Variants in CNBD1 observed in about 807,000 individuals in gnomAD.
The protein encoded by CNBD1 is cyclic nucleotide binding domain containing 1, also known as cyclic nucleotide-binding domain-containing protein 1.
CNBD1 carries 71 observed loss-of-function variants against 54.4 expected under a neutral mutation model. That is an observed-to-expected ratio of 1.30 (90% CI 1.08 to 1.59). The LOEUF is 1.59. Ranked by LOEUF, CNBD1 falls within the 40% of genes most tolerant of loss-of-function variation. The pLI is 0.00. For synonymous variants in CNBD1, 182 were observed against 170.7 expected (o/e 1.07, Z -0.51); for missense variants, 659 against 518.0 (o/e 1.27, Z -2.64).
intron 4 of CNBD1, among the ~76,000 whole-genome samples, chr8:87,132,331 G>A (rs576763261): frequency 6.6e-5 from 10 of 151,696 alleles, no homozygotes; most frequent in African/African-American, 2.4e-4. Flanking sequence ...TACTAATTGT[G>A]ATAATACCTA....
intron 4 of CNBD1, among the ~76,000 whole-genome samples, chr8:86,955,072 G>T (rs938348327): frequency 2.7e-5 from 4 of 149,464 alleles, no homozygotes; most frequent in African/African-American, 9.9e-5. Context: ...CGATGAGTGA[G>T]AACATGCGGT....
intron 6 of CNBD1, among the ~76,000 whole-genome samples, chr8:87,246,935 C>T (rs866620575): frequency 6.6e-6 from 1 of 152,004 alleles, no homozygotes; most frequent in African/African-American, 2.4e-5. Context: ...AGCTTGTTTT[C>T]CTGGAACTAG....
chr8:87,401,700 T>G (rs1223622532), intron 2 of CNBD1, among the ~76,000 whole-genome samples: 1 of 152,038 alleles, frequency 6.6e-6, no homozygotes, highest in Non-Finnish European at 1.5e-5. Flanking sequence ...AAATCTCAAT[T>G]AGTTTTATTT....
At chr8:87,262,503 C>T (rs539452336) in intron 6 of CNBD1, among the ~76,000 whole-genome samples, 2 of 152,240 alleles carry the variant, frequency 1.3e-5, no homozygotes, top group African/African-American at 2.4e-5. Flanking sequence ...GGGCAGCCAA[C>T]ATCCAATCTA....
intron 4 of CNBD1, among the ~76,000 whole-genome samples, chr8:87,006,261 C>A (rs73273603): frequency 0.03 from 4,556 of 152,164 alleles, 236 homozygotes; most frequent in African/African-American, 0.1. Flanking sequence ...CCCTTCAGCC[C>A]TTACTTTAGT....
chr8:87,045,132 C>T (rs905934986), intron 4 of CNBD1, among the ~76,000 whole-genome samples: 2 of 152,130 alleles, frequency 1.3e-5, no homozygotes, highest in Non-Finnish European at 2.9e-5. Flanking sequence ...GTTCAAAGGT[C>T]CTTGGAAGAA....
intron 4 of CNBD1, among the ~76,000 whole-genome samples, chr8:86,948,841 C>A (rs894268793): frequency 6.6e-6 from 1 of 152,086 alleles, no homozygotes; most frequent in African/African-American, 2.4e-5. Context: ...TTGCCCAAAC[C>A]AACGTCCTGG....
intron 4 of CNBD1, among the ~76,000 whole-genome samples, chr8:87,132,228 T>C (rs927581691): frequency 6.6e-6 from 1 of 151,872 alleles, no homozygotes; most frequent in Admixed American, 6.6e-5. Context: ...ATAATACATA[T>C]AATTAATGGC....
chr8:87,137,313 C>T (rs1326150816), intron 4 of CNBD1, among the ~76,000 whole-genome samples: 1 of 150,928 alleles, frequency 6.6e-6, no homozygotes, highest in Non-Finnish European at 1.5e-5. Flanking sequence ...TCTCCTGCCT[C>T]AGCCTCCCGA....
chr8:87,108,382 A>G (rs1218078131), intron 4 of CNBD1, among the ~76,000 whole-genome samples: 3 of 152,326 alleles, frequency 2.0e-5, no homozygotes, highest in East Asian at 1.9e-4. Flanking sequence ...CATTCATTCC[A>G]GCAGTCAGTA....
intron 1 of CNBD1, among the ~76,000 whole-genome samples, chr8:86,882,012 C>T (rs6985053): frequency 0.47 from 71,479 of 151,878 alleles, 17,042 homozygotes; most frequent in East Asian, 0.56. Context: ...CCCTTTTTTA[C>T]ACTATATTCA....
intron 5 of CNBD1, among the ~76,000 whole-genome samples, chr8:87,210,665 A>T (rs1193348235): frequency 6.6e-6 from 1 of 152,144 alleles, no homozygotes; most frequent in Non-Finnish European, 1.5e-5. Flanking sequence ...GGTGGTTTCC[A>T]TGTAGTGTTA....
chr8:87,208,871 G>A (rs1814033291), intron 5 of CNBD1, among the ~76,000 whole-genome samples: 2 of 151,854 alleles, frequency 1.3e-5, no homozygotes, highest in South Asian at 2.1e-4. Context: ...TCATTAAATT[G>A]TATATTTACT....
chr8:87,351,372 G>C (rs79803910), intron 8 of CNBD1, among the ~76,000 whole-genome samples: 3,675 of 152,262 alleles, frequency 0.024, 151 homozygotes, highest in African/African-American at 0.081. Context: ...TTGGAACTCA[G>C]CAAATGCTAC....
intron 4 of CNBD1, among the ~76,000 whole-genome samples, chr8:86,969,294 C>T (rs982703675): frequency 5.9e-5 from 9 of 152,060 alleles, no homozygotes; most frequent in African/African-American, 2.2e-4. Context: ...ATAAATAATA[C>T]ATTAAACAAA....
At chr8:86,949,675 T>C (rs1807554864) in intron 4 of CNBD1, among the ~76,000 whole-genome samples, 1 of 152,108 alleles carries the variant, frequency 6.6e-6, no homozygotes, top group African/African-American at 2.4e-5. Context: ...AAAAATAATT[T>C]GACTTTTTCT....
chr8:87,235,113 A>G (rs978223306), intron 5 of CNBD1, among the ~76,000 whole-genome samples: 12 of 152,134 alleles, frequency 7.9e-5, no homozygotes, highest in Admixed American at 6.6e-5. Context: ...CTTAACTTTC[A>G]TGAAATTGAA....
chr8:86,928,115 A>G (rs1809395068), intron 3 of CNBD1, among the ~76,000 whole-genome samples: 1 of 152,116 alleles, frequency 6.6e-6, no homozygotes, highest in African/African-American at 2.4e-5. Context: ...CCTGGTTGGA[A>G]CAGCTCTGTT....
intron 3 of CNBD1, among the ~76,000 whole-genome samples, chr8:86,929,497 T>TA (rs1809420849): frequency 1.3e-5 from 2 of 152,120 alleles, no homozygotes; most frequent in Non-Finnish European, 2.9e-5. Context: ...CTTCCATTGG[T>TA]ATATAGGTTA....
Sources: gnomAD v4.1 joint callset for allele counts (sites outside exome capture counted in the v4.1 genomes callset) on GRCh38, gnomAD v4.1.1 for gene constraint, MANE v1.5 for transcripts, NCBI Gene and HGNC (gene_info 2026-07-23, HGNC 2026-07-21) for gene names.